CERS6: variants seen among roughly 807,000 people sequenced by gnomAD.
CERS6 encodes LAG1 homolog, ceramide synthase 6.
In CERS6, 26 loss-of-function variants were observed where a neutral mutation model predicts 56.8. The ratio of observed to expected loss-of-function variants is 0.46; its 90% confidence interval spans 0.34 to 0.63. The LOEUF is 0.63. CERS6 is among the 30% of genes least tolerant of loss of function. CERS6 has a pLI of 0.01. For missense variants in CERS6, 415 were observed against 467.5 expected, an observed-to-expected ratio of 0.89 and a Z score of 1.04; for synonymous variants, 164 against 173.3, an observed-to-expected ratio of 0.95 and a Z score of 0.42.
At chr2:168,551,720 T>G (rs1433697741) in intron 2 of CERS6, among the ~76,000 whole-genome samples, 1 of 152,220 alleles carries the variant, frequency 6.6e-6, no homozygotes, top group African/African-American at 2.4e-5. Flanking sequence ...ACGTCATGTT[T>G]CTATAGATTC....
At chr2:168,761,032 T>C (rs929152905) in intron 8 of CERS6, among the ~76,000 whole-genome samples, 26 of 152,192 alleles carry the variant, frequency 1.7e-4, no homozygotes, top group Admixed American at 6.5e-4. Context: ...GCTGGGATTA[T>C]AGGCGTGAGC....
At chr2:168,524,771 C>T (rs1303357109) in intron 1 of CERS6, among the ~76,000 whole-genome samples, 1 of 151,930 alleles carries the variant, frequency 6.6e-6, no homozygotes, top group East Asian at 1.9e-4. Flanking sequence ...TATGTACTTA[C>T]ACATCTCTCT....
rs1684143701 is a variant in CERS6 at position 168,609,972 on chromosome 2, CTGTTT to C, written c.408-21011_408-21007del. Among the ~76,000 whole-genome samples the C allele has an allele frequency of 6.8e-5, 6 of 88,742 alleles. No individual in the cohort carries two copies. In the South Asian group the frequency reaches 2.7e-3, roughly 39 times the overall value. 58.2% of individuals were successfully genotyped at this position (88,742 alleles called of 152,430 possible). A position where few individuals can be genotyped will look rare whatever the true frequency, so the allele number is the denominator to read the frequency against. ...CTGGGAGTGAAGACAAAAGATGTGA[CTGTTT>C]TTTTTTTTTTTTTTTTTTGAGATGG... On this transcript the variant is annotated intron_variant, in intron 3 of 9. Coordinates refer to ENST00000305747, the MANE Select transcript of CERS6 (RefSeq NM_203463.3).
At chr2:168,657,321 C>G (rs1417353182) in intron 4 of CERS6, among the ~76,000 whole-genome samples, 1 of 152,248 alleles carries the variant, frequency 6.6e-6, no homozygotes, top group Non-Finnish European at 1.5e-5. Context: ...AGTCCCTGAG[C>G]TAGATATAAA....
chr2:168,597,803 A>G (rs984894199), intron 3 of CERS6, among the ~76,000 whole-genome samples: 1 of 152,226 alleles, frequency 6.6e-6, no homozygotes, highest in African/African-American at 2.4e-5. Flanking sequence ...TGCACCTTTG[A>G]CATCATGTCT....
At chr2:168,678,548 C>T (rs1257628926) in intron 4 of CERS6, among the ~76,000 whole-genome samples, 1 of 152,100 alleles carries the variant, frequency 6.6e-6, no homozygotes, top group Non-Finnish European at 1.5e-5. Flanking sequence ...TTCTTTCCCC[C>T]CTGAGTAGTT....
intron 1 of CERS6, among the ~76,000 whole-genome samples, chr2:168,509,505 C>A (rs75763365): frequency 6.6e-6 from 1 of 152,144 alleles, no homozygotes; most frequent in Non-Finnish European, 1.5e-5. Context: ...GTGGCCAGAC[C>A]TGCATCCTGA....
At chr2:168,675,069 G>C (rs946685162) in intron 4 of CERS6, among the ~76,000 whole-genome samples, 4 of 151,948 alleles carry the variant, frequency 2.6e-5, no homozygotes, top group Admixed American at 6.6e-5. Flanking sequence ...CACCTCCTGG[G>C]TTCAAGCAAT....
intron 8 of CERS6, among the ~76,000 whole-genome samples, chr2:168,762,945 G>A (rs776249368): frequency 6.6e-6 from 1 of 152,122 alleles, no homozygotes; most frequent in African/African-American, 2.4e-5. Flanking sequence ...CACAATCATA[G>A]CTTCACTGTA....
At chr2:168,736,171 G>A (rs1683711986) in intron 8 of CERS6, among the ~76,000 whole-genome samples, 1 of 152,192 alleles carries the variant, frequency 6.6e-6, no homozygotes, top group Admixed American at 6.5e-5. Flanking sequence ...GTAAGTAAGT[G>A]TAATAAGGCC....
chr2:168,625,468 C>T (rs879700629), intron 3 of CERS6, among the ~76,000 whole-genome samples: 7 of 152,126 alleles, frequency 4.6e-5, no homozygotes, highest in Non-Finnish European at 8.8e-5. Context: ...AAGGATCACT[C>T]GTACTCCTAA....
At chr2:168,597,955 C>T (rs1158121123) in intron 3 of CERS6, among the ~76,000 whole-genome samples, 3 of 152,178 alleles carry the variant, frequency 2.0e-5, no homozygotes, top group Non-Finnish European at 2.9e-5. Flanking sequence ...CAGGCCTTAG[C>T]ACTCTTTGCC....
intron 8 of CERS6, among the ~76,000 whole-genome samples, chr2:168,764,274 C>T (rs953631110): frequency 6.6e-6 from 1 of 152,106 alleles, no homozygotes; most frequent in Admixed American, 6.5e-5. Context: ...TCCCTAGTAG[C>T]TGGGACTACA....
chr2:168,613,712 A>G (rs144783876), intron 3 of CERS6, among the ~76,000 whole-genome samples: 2,090 of 152,256 alleles, frequency 0.014, 25 homozygotes, highest in Middle Eastern at 0.031. Flanking sequence ...ATGTTCACCC[A>G]TTGTTTCATG....
chr2:168,507,929 C>CATA (rs2105348868), intron 1 of CERS6, among the ~76,000 whole-genome samples: 1 of 152,192 alleles, frequency 6.6e-6, no homozygotes, highest in South Asian at 2.1e-4. Flanking sequence ...GTGCCTTAAG[C>CATA]ATAGGTAATA....
intron 6 of CERS6, among the ~76,000 whole-genome samples, chr2:168,710,897 G>A (rs1395644045): frequency 6.6e-6 from 1 of 152,172 alleles, no homozygotes; most frequent in Non-Finnish European, 1.5e-5. Flanking sequence ...ATAGTGGTAG[G>A]TTCTTAGGCC....
At chr2:168,458,420 C>T (rs1693715825) in intron 1 of CERS6, among the ~76,000 whole-genome samples, 1 of 152,190 alleles carries the variant, frequency 6.6e-6, no homozygotes, top group African/African-American at 2.4e-5. Context: ...TGGCTTTGTA[C>T]TTAGATTGTC....
intron 6 of CERS6, among the ~76,000 whole-genome samples, chr2:168,700,775 G>A (rs1686786344): frequency 6.6e-6 from 1 of 152,160 alleles, no homozygotes; most frequent in Non-Finnish European, 1.5e-5. Context: ...CCTACCTTAT[G>A]GGTGTGTTGT....
intron 4 of CERS6, among the ~76,000 whole-genome samples, chr2:168,648,038 G>C (rs2105314095): frequency 6.6e-6 from 1 of 152,228 alleles, no homozygotes; most frequent in East Asian, 1.9e-4. Flanking sequence ...GATTGACATG[G>C]GGGAAGAGTT....
Sources: gnomAD v4.1 joint callset for allele counts (sites outside exome capture counted in the v4.1 genomes callset) on GRCh38, gnomAD v4.1.1 for gene constraint, MANE v1.5 for transcripts, NCBI Gene and HGNC (gene_info 2026-07-23, HGNC 2026-07-21) for gene names.